Variants in FBXO11 observed in about 807,000 individuals in gnomAD.
FBXO11 encodes the protein F-box protein 11.
FBXO11 carries 13 observed loss-of-function variants against 117.0 expected under a neutral mutation model. The ratio of observed to expected loss-of-function variants is 0.11; its 90% CI spans 0.07 to 0.18. The LOEUF (loss-of-function observed/expected upper bound fraction) is 0.18. FBXO11 is among the 10% of genes least tolerant of loss of function. The probability of loss-of-function intolerance (pLI) is 1.00; values close to 1 mark genes in which losing one functional copy is unlikely to be tolerated. For synonymous variants in FBXO11, 490 were observed against 380.5 expected (o/e 1.29, Z -3.35); for missense variants, 767 against 1,164.4 (o/e 0.66, Z 4.97).
At chr2:47,816,616 A>G (rs1671025281) in intron 16 of FBXO11, among the ~76,000 whole-genome samples, 1 of 151,870 alleles carries the variant, frequency 6.6e-6, no homozygotes, top group Admixed American at 6.6e-5. Flanking sequence ...TCTTACATAC[A>G]AAGACTTAAA....
chr2:47,869,288 A>G (rs1414435544), intron 1 of FBXO11, among the ~76,000 whole-genome samples: 1 of 152,218 alleles, frequency 6.6e-6, no homozygotes, highest in East Asian at 1.9e-4. Flanking sequence ...AAGAGACACA[A>G]TAATGATTTC....
intron 11 of FBXO11, among the ~76,000 whole-genome samples, chr2:47,831,735 A>C (rs1290542818): frequency 6.6e-6 from 1 of 152,202 alleles, no homozygotes; most frequent in Non-Finnish European, 1.5e-5. Flanking sequence ...ATGTCTCTAG[A>C]AAATTATGTA....
chr2:47,883,515 G>T, intron 1 of FBXO11: 1 of 397,366 alleles, frequency 2.5e-6, no homozygotes. Context: ...TGAACCCTTG[G>T]ATACAACAGA....
intron 1 of FBXO11, among the ~76,000 whole-genome samples, chr2:47,900,206 C>G (rs562190115): frequency 6.6e-6 from 1 of 152,074 alleles, no homozygotes; most frequent in Non-Finnish European, 1.5e-5. Flanking sequence ...AAGTTCCAAG[C>G]TTTAAGAAAA....
chr2:47,813,171 T>C (rs1177513298), intron 18 of FBXO11, 63 bp downstream of exon 18: 1 of 1,482,162 alleles, frequency 6.7e-7, no homozygotes, highest in Non-Finnish European at 9.4e-7. Flanking sequence ...TCATTGATCA[T>C]TAAAGATATG....
rs1011167076 is a variant in FBXO11, at chr2:47,834,813, C to T, written c.776G>A (p.Arg259Lys). 1.2e-6 allele frequency: 2 copies of T among 1,613,406 alleles called. No homozygotes were observed. The highest frequency in any genetic ancestry group is 1.7e-6 in the Non-Finnish European group (2 of 1,179,746). Residue 259 changes from arginine (R) to lysine (K), a missense_variant, in exon 6 of 23, where the codon AGA (arginine) becomes AAA (lysine). Physicochemically the swap from Arg to Lys is conservative, Grantham distance 26 (BLOSUM62 2). Coordinates refer to ENST00000403359, the MANE Select transcript of FBXO11 (RefSeq NM_001190274.2). ...CAACATATTTTCTCTTCCTTTATAT[C>T]TTGCAGGGTTACTGTAGAAATGTTC... is the stretch of plus-strand genomic sequence containing the variant. The part of the protein sequence containing the change: ...FAEHFYSNPA[R>K]YKGRENMLYY...
intron 1 of FBXO11, among the ~76,000 whole-genome samples, chr2:47,892,979 C>T (rs764917260): frequency 2.6e-5 from 4 of 151,622 alleles, no homozygotes; most frequent in Non-Finnish European, 5.9e-5. Flanking sequence ...ATGGTGAAAC[C>T]CTGTCTCTAC....
At chr2:47,820,509 G>GT in intron 13 of FBXO11, 53 bp from the exon 14 acceptor site, 1 of 1,400,262 alleles carries the variant, frequency 7.1e-7, no homozygotes, top group Non-Finnish European at 1.0e-6. Flanking sequence ...AGAGAATACA[G>GT]TAAGGATTTT....
chr2:47,882,528 T>C (rs1453678396), intron 1 of FBXO11, among the ~76,000 whole-genome samples: 1 of 152,250 alleles, frequency 6.6e-6, no homozygotes, highest in Non-Finnish European at 1.5e-5. Context: ...TTGTTGGATC[T>C]ACTGTATTTT....
intron 1 of FBXO11, among the ~76,000 whole-genome samples, chr2:47,891,852 C>T (rs985888724): frequency 1.3e-5 from 2 of 152,040 alleles, no homozygotes; most frequent in Non-Finnish European, 2.9e-5. Flanking sequence ...TTTTTATTTG[C>T]ATTTCCCTGA....
At chr2:47,847,562 A>G (rs1399646226) in intron 1 of FBXO11, among the ~76,000 whole-genome samples, 1 of 152,022 alleles carries the variant, frequency 6.6e-6, no homozygotes, top group East Asian at 1.9e-4. Flanking sequence ...TACAAAAATT[A>G]GCAAGGCATG....
In FBXO11 at chr2:47,816,590, C is replaced by T. The variant is rs545639345; in HGVS notation, c.2006+2189G>A. Among the ~76,000 whole-genome samples, 3 of 152,154 alleles carry T rather than the reference C, an allele frequency of 2.0e-5. No individual in the cohort carries two copies. The South Asian group carries it at 6.2e-4, about 32-fold the overall frequency. On this transcript the variant is annotated intron_variant, in intron 16 of 22. Transcript: ENST00000403359. ...GAATCACTATCTATGGCAACTACTG[C>T]TTTCTAAAAAGTATTTCTTACATAC...
At chr2:47,862,710 A>G (rs1674870481) in intron 1 of FBXO11, among the ~76,000 whole-genome samples, 2 of 152,160 alleles carry the variant, frequency 1.3e-5, no homozygotes, top group Non-Finnish European at 2.9e-5. Context: ...ATGCTGTATA[A>G]TAACTATAAC....
At chr2:47,845,353 C>G (rs1284224724) in intron 1 of FBXO11, among the ~76,000 whole-genome samples, 1 of 152,196 alleles carries the variant, frequency 6.6e-6, no homozygotes, top group East Asian at 1.9e-4. Flanking sequence ...CTTGTAAACA[C>G]TGTCCTGAAG....
At chr2:47,896,779 G>A (rs370955685) in intron 1 of FBXO11, among the ~76,000 whole-genome samples, 3 of 152,180 alleles carry the variant, frequency 2.0e-5, no homozygotes, top group Non-Finnish European at 2.9e-5. Flanking sequence ...AAGTAGTATA[G>A]TGGCTACTTT....
intron 14 of FBXO11, among the ~76,000 whole-genome samples, chr2:47,819,872 T>C (rs1671257699): frequency 6.6e-6 from 1 of 152,216 alleles, no homozygotes; most frequent in Non-Finnish European, 1.5e-5. Flanking sequence ...TCCTACATTT[T>C]CTTACTTGAA....
chr2:47,813,964 C>T (rs566559180), intron 16 of FBXO11, 97 bp from the exon 17 acceptor site: 1 of 915,298 alleles, frequency 1.1e-6, no homozygotes, highest in African/African-American at 1.7e-5. Flanking sequence ...ACATAAGTCA[C>T]TTAGTAAGAA....
intron 1 of FBXO11, among the ~76,000 whole-genome samples, chr2:47,886,501 C>CAA (rs368848073): frequency 7.1e-4 from 59 of 82,596 alleles, no homozygotes; most frequent in African/African-American, 1.7e-3. Flanking sequence ...GCGAGACTCT[C>CAA]AAAAAAAAAA....
At chr2:47,889,581 T>C (rs1677114533) in intron 1 of FBXO11, among the ~76,000 whole-genome samples, 1 of 152,158 alleles carries the variant, frequency 6.6e-6, no homozygotes, top group South Asian at 2.1e-4. Flanking sequence ...AAAATGGTTA[T>C]TACTTATTCC....
Sources: gnomAD v4.1 joint callset for allele counts (sites outside exome capture counted in the v4.1 genomes callset) on GRCh38, gnomAD v4.1.1 for gene constraint, MANE v1.5 for transcripts, NCBI Gene and HGNC (gene_info 2026-07-23, HGNC 2026-07-21) for gene names.